Variants in COL21A1 observed in about 807,000 individuals in gnomAD.
The protein encoded by COL21A1 is collagen alpha-1(XXI) chain.
Under a neutral mutation model 137.9 loss-of-function variants are expected in COL21A1, and 149 were observed. The observed-to-expected ratio is 1.08, with a 90% CI of 0.95 to 1.24. COL21A1 has a LOEUF of 1.24. Ranked by LOEUF, COL21A1 falls within the 50% of genes most tolerant of loss-of-function variation. The pLI is 0.00. For synonymous variants in COL21A1, 456 were observed against 391.5 expected, an observed-to-expected ratio of 1.16 and a Z score of -1.95; for missense variants, 1,167 against 1,158.4, an observed-to-expected ratio of 1.01 and a Z score of -0.11.
intron 1 of COL21A1, among the ~76,000 whole-genome samples, chr6:56,361,813 C>T (rs977158569): frequency 1.3e-5 from 2 of 151,904 alleles, no homozygotes; most frequent in Non-Finnish European, 2.9e-5. Context: ...ACAACATAAA[C>T]AACACAAAGG....
In COL21A1 at chr6:56,212,548, C is replaced by A. The variant is rs145507517; in HGVS notation, c.-38-29892G>T. Reference sequence around the variant, plus strand: ...TATAATTATCTTTCTAAACTTGAAACTTTTCCCTTTCAAGGAAAACAACTA... The same window carrying A: ...TATAATTATCTTTCTAAACTTGAAAATTTTCCCTTTCAAGGAAAACAACTA... On this transcript the variant is annotated intron_variant, in intron 1 of 29. Transcript: ENST00000244728. Among the ~76,000 whole-genome samples the A allele has an allele frequency of 2.3e-3, 346 of 152,070 alleles. 3 individuals carry two copies. The highest frequency in any genetic ancestry group is 7.7e-3 in the African/African-American group (320 of 41,508).
At chr6:56,148,338 CAGAGAGAGAGAG>C (rs150898619) in intron 10 of COL21A1, among the ~76,000 whole-genome samples, 2,406 of 133,270 alleles carry the variant, frequency 0.018, 65 homozygotes, top group African/African-American at 0.066. Flanking sequence ...AGACAAGAGA[CAGAGAGAGAGAG>C]AGAGAGAGAG....
At chr6:56,305,418 T>C (rs1287806491) in intron 1 of COL21A1, among the ~76,000 whole-genome samples, 2 of 152,198 alleles carry the variant, frequency 1.3e-5, no homozygotes, top group African/African-American at 4.8e-5. Context: ...TGGGGGCTCC[T>C]GTATTGGGTG....
rs1448884258 is a variant in COL21A1, at chr6:56,170,840, G to GA, written c.834dup (p.Pro279SerfsTer12). ...TGAGTAGACACAAATACATATGATG[G>GA]AGGAAGACCTTCTGGGAAAACATTG... On this transcript the variant is annotated frameshift_variant, in exon 5 of 30. Transcript: ENST00000244728. LOFTEE classifies it high-confidence loss of function. 53 of 1,610,326 alleles carry GA rather than the reference G, an allele frequency of 3.3e-5. No individual in the cohort carries two copies. Among genetic ancestry groups the GA allele is most frequent in the Non-Finnish European group, 4.3e-5 (51 of 1,178,070 alleles).
At chr6:56,067,380 G>T (rs756538213) in intron 22 of COL21A1, 50 bp from the exon 23 acceptor site, 1 of 1,501,948 alleles carries the variant, frequency 6.7e-7, no homozygotes, top group African/African-American at 1.4e-5. Flanking sequence ...ATTCTGTACA[G>T]TTTCAAATAA....
intron 1 of COL21A1, among the ~76,000 whole-genome samples, chr6:56,324,550 C>A (rs572793596): frequency 5.6e-4 from 85 of 151,998 alleles, no homozygotes; most frequent in Non-Finnish European, 1.1e-3. Context: ...TTCACCGACC[C>A]GAATATGAGG....
chr6:56,129,707 A>T (rs1446439486), intron 12 of COL21A1, among the ~76,000 whole-genome samples: 10 of 139,638 alleles, frequency 7.2e-5, no homozygotes, highest in African/African-American at 1.7e-4. Context: ...TGTGAGAGAG[A>T]GAGAGAGAGA....
intron 16 of COL21A1, among the ~76,000 whole-genome samples, chr6:56,112,683 TTTTC>T (rs1178251441): frequency 1.4e-5 from 2 of 138,626 alleles, no homozygotes; most frequent in African/African-American, 5.4e-5. Flanking sequence ...TTCTTTTCTT[TTTTC>T]TTTTTTTTTT....
rs1765459943 is a variant in COL21A1 at position 56,057,810 on chromosome 6, A to C, written c.2721T>G (p.Gly907=). ...PEGPPGISKE[G]PPGDPGLPGK... ...CAGGGAGACCTGGGTCTCCTGGAGG[A>C]CCTTCTTTGCTTATTCCAGGAGGGC... Residue 907 remains glycine (G), a synonymous_variant, in exon 30 of 30, where the codon GGT becomes GGG. Coordinates refer to ENST00000244728, the MANE Select transcript of COL21A1 (RefSeq NM_030820.4). The C allele has an allele frequency of 6.3e-7, 1 of 1,591,198 alleles. No homozygotes were observed. Among genetic ancestry groups the C allele is most frequent in the South Asian group, 1.1e-5 (1 of 87,912 alleles).
At chr6:56,357,418 C>T (rs765278492) in intron 1 of COL21A1, among the ~76,000 whole-genome samples, 1 of 152,134 alleles carries the variant, frequency 6.6e-6, no homozygotes, top group South Asian at 2.1e-4. Flanking sequence ...ACACTGGTAG[C>T]ATGACTGGAA....
chr6:56,186,566 A>T (rs1778319927), intron 1 of COL21A1, among the ~76,000 whole-genome samples: 1 of 152,188 alleles, frequency 6.6e-6, no homozygotes, highest in African/African-American at 2.4e-5. Flanking sequence ...TAAAACCATC[A>T]TTTTTTATGG....
chr6:56,354,137 C>T (rs764309624), intron 1 of COL21A1, among the ~76,000 whole-genome samples: 3 of 152,092 alleles, frequency 2.0e-5, no homozygotes, highest in Admixed American at 6.5e-5. Context: ...TTAAAAAGAA[C>T]AAACTGTGTG....
At chr6:56,231,854 T>C (rs542901498) in intron 1 of COL21A1, among the ~76,000 whole-genome samples, 2 of 152,004 alleles carry the variant, frequency 1.3e-5, no homozygotes, top group South Asian at 4.1e-4. Context: ...AGTTTTTTGA[T>C]TGCTAAGCTA....
intron 1 of COL21A1, among the ~76,000 whole-genome samples, chr6:56,283,214 C>T (rs13195163): frequency 0.22 from 33,517 of 151,454 alleles, 4,629 homozygotes; most frequent in Non-Finnish European, 0.31. Flanking sequence ...GCAAGGTTCT[C>T]AGTGTAGCAT....
intron 1 of COL21A1, among the ~76,000 whole-genome samples, chr6:56,302,340 C>A (rs1347504705): frequency 2.6e-5 from 4 of 152,166 alleles, no homozygotes; most frequent in Non-Finnish European, 2.9e-5. Context: ...TTTACAGTCC[C>A]ACCAACAGTG....
chr6:56,080,382 GA>G (rs1767644000), intron 17 of COL21A1, among the ~76,000 whole-genome samples: 1 of 151,656 alleles, frequency 6.6e-6, no homozygotes, highest in Non-Finnish European at 1.5e-5. Context: ...AAAGAATGTT[GA>G]CACAAAAAAT....
intron 1 of COL21A1, among the ~76,000 whole-genome samples, chr6:56,234,907 C>G (rs1298660899): frequency 9.3e-6 from 1 of 107,974 alleles, no homozygotes; most frequent in Non-Finnish European, 2.0e-5. Context: ...GCCCCTCATC[C>G]AGAAAACACA....
chr6:56,221,323 T>G (rs1387750139), intron 1 of COL21A1, among the ~76,000 whole-genome samples: 1 of 152,150 alleles, frequency 6.6e-6, no homozygotes, highest in Non-Finnish European at 1.5e-5. Flanking sequence ...TTAATGAAAC[T>G]GACTTTGAAG....
chr6:56,238,873 T>C (rs1782081322), intron 1 of COL21A1, among the ~76,000 whole-genome samples: 1 of 152,320 alleles, frequency 6.6e-6, no homozygotes, highest in East Asian at 1.9e-4. Flanking sequence ...TAATAACTAA[T>C]TTGAACTAAT....
Sources: gnomAD v4.1 joint callset for allele counts (sites outside exome capture counted in the v4.1 genomes callset) on GRCh38, gnomAD v4.1.1 for gene constraint, MANE v1.5 for transcripts, NCBI Gene and HGNC (gene_info 2026-07-23, HGNC 2026-07-21) for gene names.